The following NOL4 variants were observed in gnomAD, a reference collection of about 807,000 sequenced individuals.
NOL4 encodes the protein nucleolar protein 4, also known as cancer/testis antigen 125.
A neutral mutation model predicts 75.9 loss-of-function variants in NOL4; 17 were observed. The ratio of observed to expected loss-of-function variants is 0.22; its 90% CI spans 0.15 to 0.34. NOL4 has a LOEUF of 0.34. Among genes scored for constraint, NOL4 ranks in the 10% least tolerant of loss-of-function variants. The pLI, the probability that NOL4 is intolerant of heterozygous loss-of-function variation, is 1.00. For synonymous variants in NOL4, 292 were observed against 289.9 expected (o/e 1.01, Z -0.07); for missense variants, 614 against 793.5 (o/e 0.77, Z 2.72).
chr18:34,092,526 T>C (rs2078574224), intron 5 of NOL4, among the ~76,000 whole-genome samples: 1 of 152,032 alleles, frequency 6.6e-6, no homozygotes, highest in Non-Finnish European at 1.5e-5. Context: ...AGAACACAAA[T>C]AGCAGCTAGA....
intron 6 of NOL4, among the ~76,000 whole-genome samples, chr18:33,987,276 G>C (rs941032609): frequency 7.2e-5 from 11 of 152,056 alleles, no homozygotes; most frequent in African/African-American, 2.7e-4. Flanking sequence ...CATGATCGGA[G>C]CTTGGAAAGT....
chr18:34,140,575 C>A (rs572246177), intron 1 of NOL4, among the ~76,000 whole-genome samples: 1 of 152,220 alleles, frequency 6.6e-6, no homozygotes, highest in African/African-American at 2.4e-5. Context: ...ATGTGTGTCT[C>A]TGCACATGAG....
chr18:34,177,417 A>G (rs1182652561), intron 1 of NOL4, among the ~76,000 whole-genome samples: 1 of 151,956 alleles, frequency 6.6e-6, no homozygotes, highest in Non-Finnish European at 1.5e-5. Flanking sequence ...TGAAATATGT[A>G]CAATTTATTG....
chr18:34,033,955 T>A (rs1250215223), intron 5 of NOL4, among the ~76,000 whole-genome samples: 1 of 151,878 alleles, frequency 6.6e-6, no homozygotes. Flanking sequence ...TTAACCCTCA[T>A]AAATGAAGGA....
At chr18:34,021,352 T>C (rs748435778) in intron 5 of NOL4, among the ~76,000 whole-genome samples, 24 of 152,076 alleles carry the variant, frequency 1.6e-4, no homozygotes, top group Non-Finnish European at 2.9e-4. Context: ...GGAAGAGCAT[T>C]CTCTATAGAG....
chr18:33,989,976 T>C (rs1190581778), intron 6 of NOL4, among the ~76,000 whole-genome samples: 3 of 152,084 alleles, frequency 2.0e-5, no homozygotes, highest in Non-Finnish European at 2.9e-5. Flanking sequence ...GCACCTGTTA[T>C]GTACCAGGCT....
chr18:34,123,677 A>C (rs2080257763), intron 2 of NOL4, among the ~76,000 whole-genome samples: 1 of 148,408 alleles, frequency 6.7e-6, no homozygotes, highest in East Asian at 1.9e-4. Flanking sequence ...ATATGTATCT[A>C]TATATCTAAT....
intron 10 of NOL4, among the ~76,000 whole-genome samples, chr18:33,871,651 T>A (rs938782135): frequency 4.6e-5 from 7 of 152,042 alleles, no homozygotes; most frequent in Non-Finnish European, 7.4e-5. Context: ...GGTCCCAGGA[T>A]ACTTTTCATT....
At chr18:34,207,675 C>T (rs1217025146) in intron 1 of NOL4, among the ~76,000 whole-genome samples, 1 of 152,168 alleles carries the variant, frequency 6.6e-6, no homozygotes, top group Non-Finnish European at 1.5e-5. Flanking sequence ...TCTGATGTTT[C>T]TTGCCTGAAA....
chr18:34,105,184 G>A lies in NOL4; in HGVS notation c.415-24C>T, dbSNP rs201447478. ...ATCTGAAATGATTCACAAAATACAG[G>A]TGTTATTATATAAGCTCACTGAGCA... On this transcript the variant is annotated intron_variant, in intron 2 of 10. Coordinates refer to ENST00000261592, the MANE Select transcript of NOL4 (RefSeq NM_003787.5). The A allele has an allele frequency of 2.8e-6, 4 of 1,420,292 alleles. No homozygotes were observed. In the African/African-American group the frequency reaches 4.2e-5, roughly 15 times the overall value. The allele number at this position is 1,420,292 out of a possible 1,614,324, so 88.0% of individuals were successfully genotyped here.
At chr18:33,898,788 C>T (rs1228632372) in intron 9 of NOL4, among the ~76,000 whole-genome samples, 2 of 152,136 alleles carry the variant, frequency 1.3e-5, no homozygotes, top group Admixed American at 6.6e-5. Context: ...TTTGAGACTT[C>T]TTTTTTTCCT....
At chr18:34,065,394 C>A (rs1250512837) in intron 5 of NOL4, among the ~76,000 whole-genome samples, 3 of 151,940 alleles carry the variant, frequency 2.0e-5, no homozygotes, top group African/African-American at 7.2e-5. Context: ...CGGTTAAATG[C>A]ATCCTCCCTA....
chr18:34,069,408 C>G (rs920486972), intron 5 of NOL4, among the ~76,000 whole-genome samples: 1 of 152,036 alleles, frequency 6.6e-6, no homozygotes, highest in African/African-American at 2.4e-5. Flanking sequence ...GTGGCATAAA[C>G]TTCAAAAATA....
chr18:33,987,193 C>T (rs1455637436), intron 6 of NOL4, among the ~76,000 whole-genome samples: 2 of 151,900 alleles, frequency 1.3e-5, no homozygotes, highest in Non-Finnish European at 2.9e-5. Flanking sequence ...ATAAAGTATA[C>T]CATAAAAGCT....
At chr18:34,116,447 A>G (rs1245482871) in intron 2 of NOL4, among the ~76,000 whole-genome samples, 1 of 152,256 alleles carries the variant, frequency 6.6e-6, no homozygotes. Flanking sequence ...ATTCCTGAGT[A>G]TTACTAGCCT....
At chr18:33,951,880 GTT>G (rs2069253176) in intron 8 of NOL4, among the ~76,000 whole-genome samples, 1 of 152,080 alleles carries the variant, frequency 6.6e-6, no homozygotes, top group Admixed American at 6.5e-5. Flanking sequence ...ACATTTCTCA[GTT>G]TATATGCCTA....
chr18:33,870,565 C>T (rs1459023241), intron 10 of NOL4, among the ~76,000 whole-genome samples: 1 of 151,792 alleles, frequency 6.6e-6, no homozygotes, highest in East Asian at 1.9e-4. Flanking sequence ...AGGATGTAAA[C>T]ATGGAGAGCT....
At chr18:34,079,180 C>T (rs1332810454) in intron 5 of NOL4, among the ~76,000 whole-genome samples, 1 of 152,060 alleles carries the variant, frequency 6.6e-6, no homozygotes, top group African/African-American at 2.4e-5. Flanking sequence ...TTTTGTGAGG[C>T]TTTGGAAGTG....
chr18:34,029,361 C>G (rs905457958), intron 5 of NOL4, among the ~76,000 whole-genome samples: 3 of 152,114 alleles, frequency 2.0e-5, no homozygotes, highest in Admixed American at 2.0e-4. Context: ...GTAGCCCACA[C>G]ACATAAAAAT....
Sources: gnomAD v4.1 joint callset for allele counts (sites outside exome capture counted in the v4.1 genomes callset) on GRCh38, gnomAD v4.1.1 for gene constraint, MANE v1.5 for transcripts, NCBI Gene and HGNC (gene_info 2026-07-23, HGNC 2026-07-21) for gene names.